NBR1: variants seen among roughly 807,000 people sequenced by gnomAD.
NBR1 encodes NBR1 autophagy cargo receptor.
NBR1 carries 59 observed loss-of-function variants against 115.5 expected under a neutral mutation model. The observed-to-expected ratio is 0.51, with a 90% confidence interval of 0.41 to 0.63. The LOEUF is 0.63. Ranked by LOEUF, NBR1 falls within the 30% of genes least tolerant of loss-of-function variation. The probability of loss-of-function intolerance (pLI) is 0.00; values close to 1 mark genes in which losing one functional copy is unlikely to be tolerated. For missense variants in NBR1, 1,043 were observed against 1,150.5 expected (o/e 0.91, Z 1.35); for synonymous variants, 373 against 414.7 (o/e 0.90, Z 1.22).
chr17:43,180,769 A>C, intron 4 of NBR1, 26 bp from the exon 5 acceptor site: 1 of 1,453,630 alleles, frequency 6.9e-7, no homozygotes, highest in Non-Finnish European at 9.1e-7. Flanking sequence ...AAGAAGTATC[A>C]TGGTGTATAT....
In NBR1 at chr17:43,189,810, G is replaced by A; in HGVS notation, c.695+8G>A. On this transcript the variant is annotated splice_region_variant and intron_variant, in intron 8 of 20. Transcript: ENST00000590996. ...TGTCCGCTACCAGTGTAGGTAAGCA[G>A]TTGCTTGGGAGTAGCTAGCTAGTGA... 1 of 1,612,388 alleles carries A rather than the reference G, an allele frequency of 6.2e-7. No homozygotes were observed. Among genetic ancestry groups the A allele is most frequent in the East Asian group, 2.2e-5 (1 of 44,872 alleles).
rs747026854 is a variant in NBR1, at chr17:43,179,376, CT to C, written c.166-11del. 2 of 1,610,880 alleles carry C rather than the reference CT, an allele frequency of 1.2e-6. No homozygotes were observed. Among genetic ancestry groups the C allele is most frequent in the Non-Finnish European group, 8.5e-7 (1 of 1,177,650 alleles). On this transcript the variant is annotated splice_polypyrimidine_tract_variant and intron_variant, in intron 3 of 20. Transcript: ENST00000590996. Reference sequence around the variant, plus strand: ...ATGAGACACTTATAATTCACTGTTGCTTTTTTTCCTTTTATAGGTATCCATC... The same window carrying C: ...ATGAGACACTTATAATTCACTGTTGCTTTTTTCCTTTTATAGGTATCCATC...
chr17:43,174,919 C>T (rs1163319732), intron 1 of NBR1, among the ~76,000 whole-genome samples: 1 of 150,786 alleles, frequency 6.6e-6, no homozygotes, highest in Non-Finnish European at 1.5e-5. Context: ...CACGGTGAAA[C>T]CCCGTCCCTA....
Position 43,210,413 on chromosome 17 carries a change from T to C in NBR1, c.*339T>C. ...AAACTGAGTATTTTTCTTTGGCTAA[T>C]GTGGATTTTTTATGGGGATATCTGT... is the stretch of plus-strand genomic sequence containing the variant. On this transcript the variant is annotated 3_prime_UTR_variant, in exon 21 of 21. Coordinates refer to ENST00000590996, the MANE Select transcript of NBR1 (RefSeq NM_005899.5). 1 of 396,380 alleles carries C rather than the reference T, an allele frequency of 2.5e-6. No homozygotes were observed. 24.6% of individuals were successfully genotyped at this position (396,380 alleles called of 1,614,324 possible).
chr17:43,200,306 A>G lies in NBR1; in HGVS notation c.2166A>G (p.Gln722=), dbSNP rs781244786. 1 of 1,552,110 alleles carries G rather than the reference A, an allele frequency of 6.4e-7. No individual in the cohort carries two copies. The highest frequency in any genetic ancestry group is 2.4e-5 in the East Asian group (1 of 40,936). The stretch of plus-strand genomic sequence containing the variant: ...AGGATGAGCTCAAAGATGAAGTTCA[A>G]AGTCAGTCCTCTGCTTCCTCAGAGG... ...EEEDELKDEV[Q]SQSSASSEDY... The change falls in exon 17 of 21, where the codon CAA becomes CAG. Residue 722 remains glutamine, a synonymous_variant. Coordinates refer to ENST00000590996, the MANE Select transcript of NBR1 (RefSeq NM_005899.5).
chr17:43,193,933 T>C (rs1028458840), intron 12 of NBR1, among the ~76,000 whole-genome samples: 2 of 152,206 alleles, frequency 1.3e-5, no homozygotes, highest in African/African-American at 4.8e-5. Context: ...TGGGCTGGCC[T>C]GTGGAACTGC....
At chr17:43,198,670 G>T (rs2057122835) in intron 16 of NBR1, among the ~76,000 whole-genome samples, 1 of 148,964 alleles carries the variant, frequency 6.7e-6, no homozygotes, top group South Asian at 2.1e-4. Context: ...AAATAATAAA[G>T]TGTACATGTG....
intron 6 of NBR1, among the ~76,000 whole-genome samples, chr17:43,187,431 T>G (rs968091622): frequency 6.6e-6 from 1 of 151,212 alleles, no homozygotes; most frequent in African/African-American, 2.4e-5. Flanking sequence ...CCGCCCGCCT[T>G]GGCCTCCCAA....
chr17:43,173,632 C>G (rs1396650332), intron 1 of NBR1, among the ~76,000 whole-genome samples: 1 of 152,192 alleles, frequency 6.6e-6, no homozygotes, highest in East Asian at 1.9e-4. Flanking sequence ...AAAGAACTTG[C>G]GTACACATTT....
intron 15 of NBR1, 68 bp downstream of exon 15, chr17:43,196,659 A>G: frequency 3.3e-6 from 4 of 1,199,136 alleles, no homozygotes; most frequent in Non-Finnish European, 3.6e-6. Flanking sequence ...TTTTACAGCT[A>G]TCCCCTACTG....
chr17:43,181,558 T>G (rs1188216452), intron 5 of NBR1, among the ~76,000 whole-genome samples: 2 of 151,976 alleles, frequency 1.3e-5, no homozygotes, highest in Non-Finnish European at 2.9e-5. Flanking sequence ...CCCAGCTACT[T>G]GGGAGGCTGA....
At chr17:43,189,213 C>T in intron 7 of NBR1, 94 bp downstream of exon 7, 2 of 885,178 alleles carry the variant, frequency 2.3e-6, no homozygotes, top group Admixed American at 1.7e-5. Flanking sequence ...GCTGCTGCCT[C>T]TAGTACCGGT....
Position 43,191,564 on chromosome 17 carries a change from C to G in NBR1, c.1056C>G (p.Leu352=), listed in dbSNP as rs2056947642. 2 of 1,611,740 alleles carry G rather than the reference C, an allele frequency of 1.2e-6. No homozygotes were observed. Among genetic ancestry groups the G allele is most frequent in the Non-Finnish European group, 1.7e-6 (2 of 1,178,892 alleles). ...KSPLGRPESL[L]QSNTLMLPLQ... ...CTTTAGGCCGACCTGAGAGCTTGCT[C>G]CAGTCTAATACCCTGATGTAAGCCC... is the stretch of plus-strand genomic sequence containing the variant. Residue 352 remains leucine, a synonymous_variant, in exon 10 of 21, where the codon CTC becomes CTG. Coordinates refer to ENST00000590996, the MANE Select transcript of NBR1 (RefSeq NM_005899.5).
At position 43,209,693 on chromosome 17, in the gene NBR1, C is replaced by T. The variant is rs774536807; in HGVS notation, c.2728-208C>T. ...TCCCTTTTCTCCTCCTTCAAGTACA[C>T]AGATAACTAATCTAAAATAGGGCCT... is the stretch of plus-strand genomic sequence containing the variant. On this transcript the variant is annotated intron_variant, in intron 20 of 20. Transcript: ENST00000590996. 6 of 1,534,902 alleles carry T rather than the reference C, an allele frequency of 3.9e-6. No individual in the cohort carries two copies. In the South Asian group the frequency reaches 7.1e-5, roughly 18 times the overall value.
chr17:43,173,813 C>T (rs1489472348), intron 1 of NBR1, among the ~76,000 whole-genome samples: 1 of 151,916 alleles, frequency 6.6e-6, no homozygotes, highest in African/African-American at 2.4e-5. Flanking sequence ...TTGTGTGCTC[C>T]TCCGCCTCCC....
chr17:43,172,126 C>A (rs1357225676), intron 1 of NBR1, among the ~76,000 whole-genome samples: 10 of 152,164 alleles, frequency 6.6e-5, no homozygotes, highest in Admixed American at 2.6e-4. Flanking sequence ...CATGGACTTA[C>A]AATAATGCCA....
Position 43,211,023 on chromosome 17 carries a change from G to T in NBR1, c.*949G>T. Reference sequence around the variant, plus strand: ...GGGTGGGCAAATGAGTGTGTGTGAGGTATAGGAAATGCTGATGACTTCTTT... The same window carrying T: ...GGGTGGGCAAATGAGTGTGTGTGAGTTATAGGAAATGCTGATGACTTCTTT... On this transcript the variant is annotated 3_prime_UTR_variant, in exon 21 of 21. Transcript: ENST00000590996. 3.5e-6 allele frequency: 1 copy of T among 284,704 alleles called. No homozygotes were observed. The highest frequency in any genetic ancestry group is 6.5e-6 in the Non-Finnish European group (1 of 154,764). The allele number at this position is 284,704 out of a possible 1,614,324, so 17.6% of individuals were successfully genotyped here.
intron 20 of NBR1, chr17:43,209,415 C>A (rs191209816): frequency 1.5e-6 from 1 of 666,020 alleles, no homozygotes; most frequent in East Asian, 2.8e-5. Flanking sequence ...AATCAAGAAG[C>A]CTTCCCAGGT....
chr17:43,180,774 G>A (rs757871058), intron 4 of NBR1, 21 bp from the exon 5 acceptor site: 2 of 1,457,978 alleles, frequency 1.4e-6, no homozygotes, highest in East Asian at 2.7e-5. Context: ...GTATCATGGT[G>A]TATATTTTTT....
Sources: gnomAD v4.1 joint callset for allele counts (sites outside exome capture counted in the v4.1 genomes callset) on GRCh38, gnomAD v4.1.1 for gene constraint, MANE v1.5 for transcripts, NCBI Gene and HGNC (gene_info 2026-07-23, HGNC 2026-07-21) for gene names.